OTUD7A: variants seen among roughly 807,000 people sequenced by gnomAD.
OTUD7A encodes OTU domain-containing protein 7A.
A neutral mutation model predicts 65.7 loss-of-function variants in OTUD7A; 12 were observed. The ratio of observed to expected loss-of-function variants is 0.18; its 90% CI spans 0.12 to 0.30. The LOEUF (loss-of-function observed/expected upper bound fraction) is 0.30. Ranked by LOEUF, OTUD7A falls within the 10% of genes least tolerant of loss-of-function variation. OTUD7A has a pLI of 1.00. For synonymous variants in OTUD7A, 641 were observed against 586.3 expected, an observed-to-expected ratio of 1.09 and a Z score of -1.35; for missense variants, 1,148 against 1,304.8, an observed-to-expected ratio of 0.88 and a Z score of 1.85.
chr15:31,483,411 C>G lies in OTUD7A; in HGVS notation c.2685G>C (p.Arg895=). The G allele has an allele frequency of 1.5e-6, 2 of 1,364,686 alleles. No homozygotes were observed. Among genetic ancestry groups the G allele is most frequent in the Non-Finnish European group, 1.9e-6 (2 of 1,058,242 alleles). 84.5% of individuals were successfully genotyped at this position (1,364,686 alleles called of 1,614,324 possible). A position where few individuals can be genotyped will look rare whatever the true frequency, so the allele number is the denominator to read the frequency against. Residue 895 remains arginine (R), a synonymous_variant, in exon 13 of 13, where the codon CGG becomes CGC. Transcript: ENST00000307050. The part of the protein sequence containing the change: ...CGRGGPGPVQ[R]RCQRENCAFY... ...ACGCACAGTTCTCGCGCTGGCAGCG[C>G]CGCTGCACCGGCCCCGGGCCGCCAC...
At chr15:31,702,655 C>T (rs1432824720) in intron 1 of OTUD7A, among the ~76,000 whole-genome samples, 1 of 151,980 alleles carries the variant, frequency 6.6e-6, no homozygotes, top group Non-Finnish European at 1.5e-5. Context: ...AAACTCAATA[C>T]ACTAATGATG....
At position 31,484,385 on chromosome 15, in the gene OTUD7A, T is replaced by C. The variant is rs762868193; in HGVS notation, c.1711A>G (p.Lys571Glu). The C allele has an allele frequency of 2.7e-5, 43 of 1,601,066 alleles. No individual in the cohort carries two copies. Among genetic ancestry groups the C allele is most frequent in the South Asian group, 1.1e-4 (10 of 91,022 alleles). The change falls in exon 13 of 13, where the codon AAG (lysine) becomes GAG (glutamate). Residue 571 changes from lysine to glutamate, a missense_variant. Lys to Glu is a moderately conservative substitution (Grantham distance 56). Around this residue, in one of 6 missense-constraint regions of OTUD7A, gnomAD observed 842 missense variants for 769.5 expected, o/e 1.09. Transcript: ENST00000307050. This position sits in a 1 kb window ranked among gnomAD's most constrained non-coding sequence, Gnocchi z 4.5. ...TTGCTGCCCTTGCGCGACTTGGCCT[T>C]CTTCTCCTTGCCCCGCTCGGCCGAG... ...GDSAERGKEKKAKSRKGSKEE... is the reference protein window; with the variant it reads ...GDSAERGKEKEAKSRKGSKEE...
chr15:31,858,677 G>T (rs540081142), intron 1 of OTUD7A, among the ~76,000 whole-genome samples: 7 of 152,348 alleles, frequency 4.6e-5, no homozygotes, highest in African/African-American at 1.7e-4. Context: ...ACAACGGCCA[G>T]GTTCCCCGTC....
intron 1 of OTUD7A, among the ~76,000 whole-genome samples, chr15:31,849,780 G>C (rs1236543296): frequency 5.3e-5 from 8 of 152,184 alleles, no homozygotes; most frequent in Admixed American, 3.9e-4. Context: ...AATTTATGCA[G>C]CCAACAGACA....
intron 3 of OTUD7A, 136 bp downstream of exon 3, chr15:31,654,960 A>G (rs2141277725): frequency 9.8e-7 from 1 of 1,019,684 alleles, no homozygotes; most frequent in Non-Finnish European, 1.4e-6. Context: ...ATTTTGACTT[A>G]ATATCGGTAA....
chr15:31,592,960 T>G (rs1183212346), intron 3 of OTUD7A, among the ~76,000 whole-genome samples: 1 of 105,852 alleles, frequency 9.4e-6, no homozygotes, highest in African/African-American at 6.1e-5. Context: ...TGTATATATA[T>G]ATGTATATAT....
chr15:31,654,893 T>C (rs956889234), intron 3 of OTUD7A, among the ~76,000 whole-genome samples: 3 of 152,222 alleles, frequency 2.0e-5, no homozygotes, highest in African/African-American at 7.2e-5. Context: ...TTCTTGAATG[T>C]TTTATAATTT....
At chr15:31,491,524 C>A (rs1373126242) in intron 10 of OTUD7A, among the ~76,000 whole-genome samples, 1 of 152,174 alleles carries the variant, frequency 6.6e-6, no homozygotes, top group Non-Finnish European at 1.5e-5. Flanking sequence ...GTGACAATAT[C>A]AGCACCTTAA....
At chr15:31,677,620 GC>G (rs1186465707) in intron 1 of OTUD7A, among the ~76,000 whole-genome samples, 8 of 152,040 alleles carry the variant, frequency 5.3e-5, no homozygotes, top group Non-Finnish European at 1.0e-4. Context: ...TCTCCTTCCC[GC>G]TGTCCTGTAA....
intron 1 of OTUD7A, among the ~76,000 whole-genome samples, chr15:31,832,618 T>G (rs1896961450): frequency 6.6e-6 from 1 of 152,106 alleles, no homozygotes; most frequent in Admixed American, 6.6e-5. Flanking sequence ...ACCCCCCTCA[T>G]CCCTCGTCGC....
chr15:31,641,067 C>T (rs189107663), intron 3 of OTUD7A, among the ~76,000 whole-genome samples: 32 of 152,270 alleles, frequency 2.1e-4, no homozygotes, highest in Admixed American at 9.2e-4. Context: ...ATAATCCCCA[C>T]GTGTCAAGGG....
chr15:31,525,217 G>T (rs1317074818), intron 8 of OTUD7A, among the ~76,000 whole-genome samples: 2 of 152,314 alleles, frequency 1.3e-5, no homozygotes, highest in African/African-American at 4.8e-5. Flanking sequence ...TCACAGGCAG[G>T]ACTCGGGAGG....
intron 6 of OTUD7A, among the ~76,000 whole-genome samples, chr15:31,527,704 T>A (rs756173585): frequency 6.6e-6 from 1 of 152,156 alleles, no homozygotes; most frequent in Non-Finnish European, 1.5e-5. Context: ...GGGCTCCAGG[T>A]GAGGGAGGCC....
At chr15:31,852,832 G>A (rs903508357) in intron 1 of OTUD7A, among the ~76,000 whole-genome samples, 1 of 152,200 alleles carries the variant, frequency 6.6e-6, no homozygotes, top group African/African-American at 2.4e-5. Context: ...TTACATTAAT[G>A]ATTTAATTAA....
At chr15:31,850,818 G>A (rs1454765417) in intron 1 of OTUD7A, among the ~76,000 whole-genome samples, 1 of 152,154 alleles carries the variant, frequency 6.6e-6, no homozygotes, top group African/African-American at 2.4e-5. Flanking sequence ...TTGGAGGCCT[G>A]ACAGAAGCAA....
chr15:31,853,751 A>C (rs1567056537), intron 1 of OTUD7A, among the ~76,000 whole-genome samples: 1 of 152,262 alleles, frequency 6.6e-6, no homozygotes, highest in South Asian at 2.1e-4. Flanking sequence ...AAGGGAATTC[A>C]TGTGGAATAA....
chr15:31,795,678 C>T lies in OTUD7A; in HGVS notation c.-100+74829G>A, dbSNP rs554329813. 3.9e-5 allele frequency among the ~76,000 whole-genome samples: 6 copies of T among 152,304 alleles called. No individual in the cohort carries two copies. The East Asian group carries it at 7.7e-4, about 20-fold the overall frequency. On this transcript the variant is annotated intron_variant, in intron 1 of 12. Coordinates refer to ENST00000307050, the MANE Select transcript of OTUD7A (RefSeq NM_001382637.1). ...ACCCAGCCACTCTCCCCGGCCTGCACGTTCCTGAAATGCAAATTTTGCTCT... is the reference window on the plus strand; with the variant it reads ...ACCCAGCCACTCTCCCCGGCCTGCATGTTCCTGAAATGCAAATTTTGCTCT...
chr15:31,627,816 T>G (rs1454496392), intron 3 of OTUD7A, among the ~76,000 whole-genome samples: 1 of 152,250 alleles, frequency 6.6e-6, no homozygotes, highest in African/African-American at 2.4e-5. Flanking sequence ...CATTGTGGTT[T>G]CGATTTGCAT....
intron 1 of OTUD7A, among the ~76,000 whole-genome samples, chr15:31,824,662 C>T (rs1488017189): frequency 6.6e-6 from 1 of 152,212 alleles, no homozygotes; most frequent in African/African-American, 2.4e-5. Context: ...ATTCACACAT[C>T]CGCTCCCTTC....
Sources: allele counts gnomAD v4.1 joint callset (sites outside exome capture counted in the v4.1 genomes callset), GRCh38; gene constraint gnomAD v4.1.1; regional missense constraint gnomAD v4.1.1; non-coding constraint Gnocchi (gnomAD v3.1); transcripts MANE v1.5; gene names NCBI Gene and HGNC (gene_info 2026-07-23, HGNC 2026-07-21).